C21orf91: variants seen among roughly 807,000 people sequenced by gnomAD.
The protein encoded by C21orf91 is protein EURL homolog.
Under a neutral mutation model 32.9 loss-of-function variants are expected in C21orf91, and 26 were observed. The ratio of observed to expected loss-of-function variants is 0.79; its 90% CI spans 0.58 to 1.10. The LOEUF is 1.10. Among genes scored for constraint, C21orf91 ranks in the 50% least tolerant of loss-of-function variants. The probability of loss-of-function intolerance (pLI) is 0.00; values close to 1 mark genes in which losing one functional copy is unlikely to be tolerated. For synonymous variants in C21orf91, 126 were observed against 120.4 expected, an observed-to-expected ratio of 1.05 and a Z score of -0.31; for missense variants, 310 against 341.3, an observed-to-expected ratio of 0.91 and a Z score of 0.72.
At chr21:17,803,796 T>C (rs1306042334) in intron 2 of C21orf91, among the ~76,000 whole-genome samples, 1 of 152,168 alleles carries the variant, frequency 6.6e-6, no homozygotes, top group East Asian at 1.9e-4. Flanking sequence ...CAGACAACCA[T>C]TCCTGATAAA....
At chr21:17,812,897 T>C (rs907507585) in intron 2 of C21orf91, among the ~76,000 whole-genome samples, 1 of 152,196 alleles carries the variant, frequency 6.6e-6, no homozygotes, top group Non-Finnish European at 1.5e-5. Flanking sequence ...CCTTCTGCCA[T>C]GGGATGATGC....
rs3835319 is a variant in C21orf91 at position 17,789,253 on chromosome 21, T to TCA, written c.*4160_*4161dup. 0.025 allele frequency: 3,715 copies of TCA among 149,806 alleles called. 61 individuals are homozygous for TCA. Among genetic ancestry groups the TCA allele is most frequent in the Middle Eastern group, 0.051 (15 of 292 alleles). The allele number at this position is 149,806 out of a possible 1,614,324, so 9.3% of individuals were successfully genotyped here. A position where few individuals can be genotyped will look rare whatever the true frequency, so the allele number is the denominator to read the frequency against. On this transcript the variant is annotated 3_prime_UTR_variant, in exon 5 of 5. Coordinates refer to ENST00000284881, the MANE Select transcript of C21orf91 (RefSeq NM_001100420.2). ...ATACGCTACTGTTTTAAAGCAAGGT[T>TCA]CACACACACACACACACACACACAC...
chr21:17,795,340 C>A (rs1286984943), intron 3 of C21orf91, 70 bp from the exon 4 acceptor site: 5 of 994,842 alleles, frequency 5.0e-6, no homozygotes, highest in Non-Finnish European at 8.0e-6. Flanking sequence ...ATCACCAACA[C>A]AATATCCTAT....
chr21:17,808,120 G>T (rs2146258438), intron 2 of C21orf91, among the ~76,000 whole-genome samples: 1 of 152,372 alleles, frequency 6.6e-6, no homozygotes, highest in East Asian at 1.9e-4. Flanking sequence ...TAGGAGGAAA[G>T]AATGGTTTCA....
chr21:17,816,598 T>C (rs548987913), intron 2 of C21orf91, among the ~76,000 whole-genome samples: 1 of 152,386 alleles, frequency 6.6e-6, no homozygotes, highest in South Asian at 2.1e-4. Context: ...TTATGAGCTG[T>C]GTGACTTCAA....
intron 4 of C21orf91, among the ~76,000 whole-genome samples, chr21:17,794,604 T>C (rs577836976): frequency 6.6e-6 from 1 of 152,336 alleles, no homozygotes; most frequent in South Asian, 2.1e-4. Flanking sequence ...TTCACTATAC[T>C]AGTCTCACTA....
At chr21:17,802,557 G>GT (rs1237573006) in intron 2 of C21orf91, among the ~76,000 whole-genome samples, 2 of 151,848 alleles carry the variant, frequency 1.3e-5, no homozygotes, top group Admixed American at 1.3e-4. Flanking sequence ...ATTTTTTTTC[G>GT]TAACAAAAAT....
intron 2 of C21orf91, among the ~76,000 whole-genome samples, chr21:17,815,154 CTAAT>C (rs2062657146): frequency 6.6e-6 from 1 of 152,046 alleles, no homozygotes; most frequent in South Asian, 2.1e-4. Flanking sequence ...AAACAAGAGG[CTAAT>C]TGATTAGGAA....
Position 17,807,579 on chromosome 21 carries a change from G to C in C21orf91, c.128-10461C>G, listed in dbSNP as rs141681228. The stretch of plus-strand genomic sequence containing the variant: ...GGCTCAGAAGAAGATAGGATGATAA[G>C]GGAAACTTCGGAACTTCCTAGACAC... On this transcript the variant is annotated intron_variant, in intron 2 of 4. Coordinates refer to ENST00000284881, the MANE Select transcript of C21orf91 (RefSeq NM_001100420.2). 2.0e-5 allele frequency among the ~76,000 whole-genome samples: 3 copies of C among 152,322 alleles called. No individual in the cohort carries two copies. The East Asian group carries it at 5.8e-4, about 29-fold the overall frequency.
At chr21:17,797,243 A>ATATTCTTT in intron 2 of C21orf91, 125 bp from the exon 3 acceptor site, 2 of 586,752 alleles carry the variant, frequency 3.4e-6, no homozygotes, top group Non-Finnish European at 5.9e-6. Flanking sequence ...AAAAATGCTA[A>ATATTCTTT]AGAATATTAG....
Position 17,817,620 on chromosome 21 carries a change from G to T in C21orf91, c.127+572C>A, listed in dbSNP as rs920568582. On this transcript the variant is annotated intron_variant, in intron 2 of 4. Transcript: ENST00000284881. ...GGCTTTTTTTTGGGGTTTCTTTTTGGATTTGGAGAATTTTTCTTCATATAT... is the reference window on the plus strand; with the variant it reads ...GGCTTTTTTTTGGGGTTTCTTTTTGTATTTGGAGAATTTTTCTTCATATAT... 7.1e-4 allele frequency: 108 copies of T among 151,538 alleles called. 9 individuals carry two copies. The highest frequency in any genetic ancestry group is 2.9e-5 in the Non-Finnish European group (2 of 67,890). The allele number at this position is 151,538 out of a possible 1,614,324, so 9.4% of individuals were successfully genotyped here.
chr21:17,815,984 G>GT (rs1415425393), intron 2 of C21orf91, among the ~76,000 whole-genome samples: 1 of 152,150 alleles, frequency 6.6e-6, no homozygotes, highest in Non-Finnish European at 1.5e-5. Flanking sequence ...CAAAAAAGTT[G>GT]TAATACACTA....
chr21:17,793,192 TAATTCTGGGAAA>T lies in C21orf91; in HGVS notation c.*211_*222del. On this transcript the variant is annotated 3_prime_UTR_variant, in exon 5 of 5. Transcript: ENST00000284881. Reference sequence around the variant, plus strand: ...GTCACATGTGATAAAATTTGTTTAGTAATTCTGGGAAAAAAGAGTCCCCAAATGAGCCAAAAT... The same window carrying T: ...GTCACATGTGATAAAATTTGTTTAGTAAAGAGTCCCCAAATGAGCCAAAAT... 1 of 330,516 alleles carries T rather than the reference TAATTCTGGGAAA, an allele frequency of 3.0e-6. No homozygotes were observed. Among genetic ancestry groups the T allele is most frequent in the East Asian group, 4.7e-5 (1 of 21,284 alleles). The allele number at this position is 330,516 out of a possible 1,614,324, so 20.5% of individuals were successfully genotyped here.
In C21orf91 at chr21:17,794,161, ATTTTT is replaced by A. The variant is rs1289932245; in HGVS notation, c.728-585_728-581del. Among the ~76,000 whole-genome samples the A allele has an allele frequency of 5.3e-5, 8 of 152,280 alleles. No individual in the cohort carries two copies. In the East Asian group the frequency reaches 1.3e-3, roughly 26 times the overall value. Reference sequence around the variant, plus strand: ...TTCTACTACAACTATTATTGTGATTATTTTTATTATTCTGAGAGGCTGTGTGGTTA... The same window carrying A: ...TTCTACTACAACTATTATTGTGATTAATTATTCTGAGAGGCTGTGTGGTTA... On this transcript the variant is annotated intron_variant, in intron 4 of 4. Coordinates refer to ENST00000284881, the MANE Select transcript of C21orf91 (RefSeq NM_001100420.2).
In C21orf91 at chr21:17,818,184, G is replaced by C. The variant is rs562299534; in HGVS notation, c.127+8C>G. ...TTCCATAAGATCAAAACTATACTGT[G>C]TCCTTACCCTCAATATTTAGCTCAA... On this transcript the variant is annotated splice_region_variant and intron_variant, in intron 2 of 4. Transcript: ENST00000284881. 5.0e-6 allele frequency: 8 copies of C among 1,603,880 alleles called. No homozygotes were observed. The East Asian group carries it at 1.8e-4, about 36-fold the overall frequency.
At chr21:17,818,790 C>G (rs1306239063) in intron 1 of C21orf91, 1 of 152,690 alleles carries the variant, frequency 6.5e-6, no homozygotes, top group African/African-American at 2.4e-5. Flanking sequence ...GCCTCGCGAA[C>G]TCGGAGTTGC....
At position 17,793,585 on chromosome 21, in the gene C21orf91, T is replaced by C; in HGVS notation, c.728-4A>G. 1 of 1,592,744 alleles carries C rather than the reference T, an allele frequency of 6.3e-7. No homozygotes were observed. The highest frequency in any genetic ancestry group is 8.6e-7 in the Non-Finnish European group (1 of 1,166,212). On this transcript the variant is annotated splice_region_variant and splice_polypyrimidine_tract_variant and intron_variant, in intron 4 of 4. Coordinates refer to ENST00000284881, the MANE Select transcript of C21orf91 (RefSeq NM_001100420.2). ...TGAGTTAACTCTTCAAAAACTTCTG[T>C]AAAAGATTTAAAAACTTTCATTTTT...
chr21:17,812,583 G>C (rs1052776617), intron 2 of C21orf91, among the ~76,000 whole-genome samples: 1 of 152,188 alleles, frequency 6.6e-6, no homozygotes, highest in African/African-American at 2.4e-5. Context: ...GCCGAGGTGG[G>C]TGCATCACGA....
intron 1 of C21orf91, 187 bp downstream of exon 1, chr21:17,819,116 G>A (rs2062688536): frequency 6.6e-6 from 1 of 152,220 alleles, no homozygotes; most frequent in African/African-American, 2.4e-5. Context: ...GGCCTTCGGC[G>A]TTGGGGGCGC....
Sources: allele counts gnomAD v4.1 joint callset (sites outside exome capture counted in the v4.1 genomes callset), GRCh38; gene constraint gnomAD v4.1.1; transcripts MANE v1.5; gene names NCBI Gene and HGNC (gene_info 2026-07-23, HGNC 2026-07-21).